The following CSMD2 variants were observed in gnomAD, a reference collection of about 807,000 sequenced individuals.
CSMD2 encodes CUB and Sushi multiple domains 2, also known as CUB and sushi domain-containing protein 2.
A neutral mutation model predicts 398.5 loss-of-function variants in CSMD2; 130 were observed. The observed-to-expected ratio is 0.33, with a 90% CI of 0.28 to 0.38. CSMD2 has a LOEUF of 0.38. CSMD2 is among the 10% of genes least tolerant of loss of function. CSMD2 has a pLI of 1.00. For missense variants in CSMD2, 3,829 were observed against 4,764.9 expected (o/e 0.80, Z 5.78); for synonymous variants, 1,828 against 1,908.5 (o/e 0.96, Z 1.10).
rs1647142232 is a variant in CSMD2, at chr1:33,743,213, A to G, written c.2173+67T>C. The G allele has an allele frequency of 4.4e-6, 6 of 1,372,240 alleles. No homozygotes were observed. The Admixed American group carries it at 1.1e-4, about 24-fold the overall frequency. 85.0% of individuals were successfully genotyped at this position (1,372,240 alleles called of 1,614,324 possible). A position where few individuals can be genotyped will look rare whatever the true frequency, so the allele number is the denominator to read the frequency against. On this transcript the variant is annotated intron_variant, in intron 14 of 70. Coordinates refer to ENST00000373381, the MANE Select transcript of CSMD2 (RefSeq NM_001281956.2). Reference sequence around the variant, plus strand: ...CACCTCCTCCTCCCTCCATGGGAGCACCTTCGATCATCCTCAGAGGCAGAC... The same window carrying G: ...CACCTCCTCCTCCCTCCATGGGAGCGCCTTCGATCATCCTCAGAGGCAGAC...
At position 34,120,125 on chromosome 1, in the gene CSMD2, C is replaced by CATGAATGAA. The variant is rs151279339; in HGVS notation, c.188-30941_188-30933dup. ...AAGGAAATCTTTTCATATGCTACAA[C>CATGAATGAA]ATGAATGAACCTTGAAGACATTATA... On this transcript the variant is annotated intron_variant, in intron 1 of 70. Coordinates refer to ENST00000373381, the MANE Select transcript of CSMD2 (RefSeq NM_001281956.2). 2.2e-3 allele frequency among the ~76,000 whole-genome samples: 332 copies of CATGAATGAA among 152,274 alleles called. 1 individual carries two copies. The highest frequency in any genetic ancestry group is 3.3e-3 in the Non-Finnish European group (222 of 68,012).
intron 53 of CSMD2, 21 bp downstream of exon 53, chr1:33,567,572 G>A: frequency 6.2e-7 from 1 of 1,613,258 alleles, no homozygotes; most frequent in Non-Finnish European, 8.5e-7. Flanking sequence ...CATGACTAGG[G>A]AGAGTGGATG....
Position 33,587,036 on chromosome 1 carries a change from C to T in CSMD2, c.6937+52G>A. ...CCGACAGCTCCCCCCGCCACCTTCC[C>T]TTCCTTCCCCAGTCCTGGGTTCACA... On this transcript the variant is annotated intron_variant, in intron 45 of 70. Transcript: ENST00000373381. 9 of 1,443,320 alleles carry T rather than the reference C, an allele frequency of 6.2e-6. No homozygotes were observed. The South Asian group carries it at 1.1e-4, about 18-fold the overall frequency. The allele number at this position is 1,443,320 out of a possible 1,614,324, so 89.4% of individuals were successfully genotyped here. A position where few individuals can be genotyped will look rare whatever the true frequency, so the allele number is the denominator to read the frequency against.
At chr1:33,855,020 G>A (rs1362803273) in intron 5 of CSMD2, among the ~76,000 whole-genome samples, 8 of 152,184 alleles carry the variant, frequency 5.3e-5, no homozygotes, top group Admixed American at 5.2e-4. Context: ...TGCCTCTATA[G>A]AGAGGATCTT....
intron 1 of CSMD2, among the ~76,000 whole-genome samples, chr1:34,131,625 C>A (rs1383200489): frequency 6.6e-6 from 1 of 152,182 alleles, no homozygotes; most frequent in African/African-American, 2.4e-5. Flanking sequence ...CAGACTCATG[C>A]TGACACCCAT....
At chr1:34,127,041 G>A (rs1662816227) in intron 1 of CSMD2, among the ~76,000 whole-genome samples, 1 of 152,130 alleles carries the variant, frequency 6.6e-6, no homozygotes, top group African/African-American at 2.4e-5. Context: ...GAAACAGAGA[G>A]ACGGAAAAGT....
chr1:34,002,112 T>C (rs1045050197), intron 3 of CSMD2, among the ~76,000 whole-genome samples: 2 of 152,190 alleles, frequency 1.3e-5, no homozygotes, highest in Non-Finnish European at 2.9e-5. Context: ...AAGCTCACTT[T>C]GTTTTCTTGA....
At chr1:34,096,818 TG>T (rs1659365308) in intron 1 of CSMD2, among the ~76,000 whole-genome samples, 3 of 123,112 alleles carry the variant, frequency 2.4e-5, no homozygotes, top group Non-Finnish European at 5.0e-5. Flanking sequence ...ATCAATATCG[TG>T]AAAATGGCCA....
Position 33,633,409 on chromosome 1 carries a change from G to A in CSMD2, c.5200+13C>T, listed in dbSNP as rs1291161309. 3 of 1,543,586 alleles carry A rather than the reference G, an allele frequency of 1.9e-6. No individual in the cohort carries two copies. The highest frequency in any genetic ancestry group is 2.4e-5 in the East Asian group (1 of 40,896). On this transcript the variant is annotated intron_variant, in intron 32 of 70. Coordinates refer to ENST00000373381, the MANE Select transcript of CSMD2 (RefSeq NM_001281956.2). The surrounding 1 kb of genome is among the most constrained non-coding windows in gnomAD (Gnocchi z 5.0). ...GCCCACAACCATCCCCACACTGGCC[G>A]AGCCCCGGATACCTGTATGGGAGCC...
chr1:34,109,913 C>T (rs981938702), intron 1 of CSMD2, among the ~76,000 whole-genome samples: 32 of 151,594 alleles, frequency 2.1e-4, no homozygotes, highest in African/African-American at 5.3e-4. Context: ...TGGTGGTGTG[C>T]GCCTGTAATC....
In CSMD2 at chr1:33,780,325, C is replaced by CT. The variant is rs563630272; in HGVS notation, c.1664-7575dup. Among the ~76,000 whole-genome samples, 12 of 152,310 alleles carry CT rather than the reference C, an allele frequency of 7.9e-5. No individual in the cohort carries two copies. In the East Asian group the frequency reaches 1.9e-3, roughly 25 times the overall value. On this transcript the variant is annotated intron_variant, in intron 12 of 70. Coordinates refer to ENST00000373381, the MANE Select transcript of CSMD2 (RefSeq NM_001281956.2). ...TGCCTCAGAACCACACCCCACTCTG[C>CT]TTTTCTACTTCTGATTATGCGAAGG...
Position 33,519,730 on chromosome 1 carries a change from C to G in CSMD2, c.10737-53G>C. ...GCATGAAAAGAGCGACACAGAGAGG[C>G]TTAGGGGTCTGGTGCGGGGGGCCCT... On this transcript the variant is annotated intron_variant, in intron 69 of 70. Coordinates refer to ENST00000373381, the MANE Select transcript of CSMD2 (RefSeq NM_001281956.2). This position sits in a 1 kb window ranked among gnomAD's most constrained non-coding sequence, Gnocchi z 5.6. The G allele has an allele frequency of 6.2e-7, 1 of 1,613,400 alleles. No homozygotes were observed. The highest frequency in any genetic ancestry group is 1.3e-5 in the African/African-American group (1 of 74,976).
intron 32 of CSMD2, 42 bp from the exon 33 acceptor site, chr1:33,626,623 G>C: frequency 2.7e-6 from 4 of 1,456,142 alleles, no homozygotes; most frequent in South Asian, 2.5e-5. Context: ...AGTGAGTCCA[G>C]CAGGTGGGCC....
intron 26 of CSMD2, among the ~76,000 whole-genome samples, chr1:33,662,321 C>T (rs1044920478): frequency 6.6e-6 from 1 of 152,170 alleles, no homozygotes; most frequent in Non-Finnish European, 1.5e-5. Flanking sequence ...CCCAAGCCAC[C>T]GTCTACTTGT....
chr1:33,803,631 A>C (rs1655876161), intron 10 of CSMD2, among the ~76,000 whole-genome samples: 1 of 152,138 alleles, frequency 6.6e-6, no homozygotes, highest in South Asian at 2.1e-4. Context: ...TCCCACATCC[A>C]ATCAGCTACC....
intron 43 of CSMD2, among the ~76,000 whole-genome samples, chr1:33,602,009 G>A (rs1253821263): frequency 1.3e-5 from 2 of 152,136 alleles, no homozygotes; most frequent in Admixed American, 6.5e-5. Flanking sequence ...TCTTCCATTA[G>A]TCTGGGTGGC....
intron 64 of CSMD2, among the ~76,000 whole-genome samples, chr1:33,532,454 C>T (rs1219330459): frequency 6.6e-6 from 1 of 152,218 alleles, no homozygotes; most frequent in African/African-American, 2.4e-5. Flanking sequence ...AGGAAGTCCT[C>T]CCTGACTTCT....
intron 13 of CSMD2, among the ~76,000 whole-genome samples, chr1:33,750,116 A>G (rs1429606022): frequency 6.6e-6 from 1 of 152,200 alleles, no homozygotes; most frequent in Non-Finnish European, 1.5e-5. Flanking sequence ...TTTTTAATGG[A>G]GAGGCAAACT....
At chr1:33,864,142 GTC>G (rs1558021172) in intron 5 of CSMD2, 1 of 1,512,516 alleles carries the variant, frequency 6.6e-7, no homozygotes, top group Admixed American at 2.1e-5. Context: ...GGGAACAACA[GTC>G]TCTCCTGTCC....
Sources: gnomAD v4.1 joint callset for allele counts (sites outside exome capture counted in the v4.1 genomes callset) on GRCh38, gnomAD v4.1.1 for gene constraint, Gnocchi (gnomAD v3.1) non-coding constraint, MANE v1.5 for transcripts, NCBI Gene and HGNC (gene_info 2026-07-23, HGNC 2026-07-21) for gene names.